PLCXD1: variants seen among roughly 807,000 people sequenced by gnomAD.
The protein encoded by PLCXD1 is phosphatidylinositol specific phospholipase C X domain containing 1.
PLCXD1 carries 45 observed loss-of-function variants against 37.8 expected under a neutral mutation model. The ratio of observed to expected loss-of-function variants is 1.19; its 90% CI spans 0.94 to 1.53. The LOEUF is 1.53. PLCXD1 is among the 40% of genes most tolerant of loss of function. The pLI is 0.00. For missense variants in PLCXD1, 539 were observed against 454.7 expected (o/e 1.19, Z -1.69); for synonymous variants, 246 against 206.9 (o/e 1.19, Z -1.62).
upstream of PLCXD1, among the ~76,000 whole-genome samples, chrX:280,332 G>A (rs765634310): frequency 0.034 from 2,948 of 86,122 alleles, 72 homozygotes; most frequent in Non-Finnish European, 0.037. Context: ...CCGTGCAGGG[G>A]GAGGGGAGGC....
chrX:287,702 A>T (rs1279471669), intron 2 of PLCXD1, among the ~76,000 whole-genome samples: 3 of 145,254 alleles, frequency 2.1e-5, no homozygotes, highest in African/African-American at 5.0e-5. Flanking sequence ...TATAGATACT[A>T]TATATGTTTA....
At position 299,099 on chromosome X, in the gene PLCXD1, G is replaced by T; in HGVS notation, c.736G>T (p.Gly246Trp). The change falls in exon 7 of 7, where the codon GGG becomes TGG. Residue 246 changes from glycine (G) to tryptophan (W), a missense_variant and splice_region_variant. By Grantham distance (184) the Gly-to-Trp change is radical. Coordinates refer to ENST00000381657, the MANE Select transcript of PLCXD1 (RefSeq NM_018390.4). ...ETMKSCGRPG[G>W]LFVAGINLTE... is the part of the protein sequence containing the mutation. ...TCTCCCCACCCTCACCGTTGCAGGA[G>T]GGTTGTTCGTGGCCGGCATCAACCT... The T allele has an allele frequency of 6.2e-7, 1 of 1,612,364 alleles. No homozygotes were observed. The highest frequency in any genetic ancestry group is 8.5e-7 in the Non-Finnish European group (1 of 1,178,396).
chrX:281,270 T>G (rs1226106844), upstream of PLCXD1: 1 of 177,392 alleles, frequency 5.6e-6, no homozygotes, highest in Non-Finnish European at 1.2e-5. Flanking sequence ...TGGTTGCTTC[T>G]CTTGGAGAAA....
At chrX:285,558 T>TAC (rs55930946) in intron 2 of PLCXD1, among the ~76,000 whole-genome samples, 112,116 of 151,826 alleles carry the variant, frequency 0.74, 41,631 homozygotes, top group African/African-American at 0.8. Flanking sequence ...CATACACATG[T>TAC]ACACATTTGC....
chrX:296,166 G>T (rs1316763641), intron 6 of PLCXD1, among the ~76,000 whole-genome samples: 1 of 151,556 alleles, frequency 6.6e-6, no homozygotes, highest in Non-Finnish European at 1.5e-5. Flanking sequence ...TGTCACCCAG[G>T]CTGGAGTGCA....
At chrX:289,507 T>TTCC in intron 3 of PLCXD1, among the ~76,000 whole-genome samples, 1 of 85,090 alleles carries the variant, frequency 1.2e-5, no homozygotes. Context: ...TTTCTTTTTC[T>TTCC]TTCTTTTTCT....
At position 291,485 on chromosome X, in the gene PLCXD1, AC is replaced by A; in HGVS notation, c.394-8del. On this transcript the variant is annotated splice_polypyrimidine_tract_variant and intron_variant, in intron 4 of 6. Transcript: ENST00000381657. Reference sequence around the variant, plus strand: ...GGAGTCGTGCAGGACTCAGCCCAGCACCCCCCTCCCCAGGACACACTCACGG... The same window carrying A: ...GGAGTCGTGCAGGACTCAGCCCAGCACCCCCTCCCCAGGACACACTCACGG... 1 of 1,610,424 alleles carries A rather than the reference AC, an allele frequency of 6.2e-7. No individual in the cohort carries two copies. Among genetic ancestry groups the A allele is most frequent in the Non-Finnish European group, 8.5e-7 (1 of 1,179,462 alleles).
At position 293,356 on chromosome X, in the gene PLCXD1, C is replaced by A. The variant is rs936114617; in HGVS notation, c.733+138C>A. 1.2e-5 allele frequency: 8 copies of A among 685,528 alleles called. No homozygotes were observed. The African/African-American group carries it at 1.3e-4, about 11-fold the overall frequency. The allele number at this position is 685,528 out of a possible 1,614,324, so 42.5% of individuals were successfully genotyped here. On this transcript the variant is annotated intron_variant, in intron 6 of 6. Transcript: ENST00000381657. ...GAATCCATGAGCTGGGCGTGGTAATCCCTGTACCTGTAATCCCAGCACTTC... is the reference window on the plus strand; with the variant it reads ...GAATCCATGAGCTGGGCGTGGTAATACCTGTACCTGTAATCCCAGCACTTC...
At chrX:286,525 C>G (rs1253621396) in intron 2 of PLCXD1, among the ~76,000 whole-genome samples, 3 of 152,036 alleles carry the variant, frequency 2.0e-5, no homozygotes, top group Admixed American at 2.0e-4. Context: ...TCGGCAGACT[C>G]ACATCTTAAG....
chrX:281,271 CT>C (rs2069269858), upstream of PLCXD1: 1 of 177,438 alleles, frequency 5.6e-6, no homozygotes, highest in Admixed American at 6.3e-5. Context: ...GGTTGCTTCT[CT>C]TGGAGAAAGA....
chrX:299,306 G>T lies in PLCXD1; in HGVS notation c.943G>T (p.Ala315Ser). The change falls in exon 7 of 7, where the codon GCG (alanine) becomes TCG (serine). Residue 315 changes from alanine to serine, a missense_variant. Physicochemically the swap from Ala to Ser is moderately conservative, Grantham distance 99 (BLOSUM62 1). Coordinates refer to ENST00000381657, the MANE Select transcript of PLCXD1 (RefSeq NM_018390.4). Reference sequence around the variant, plus strand: ...AGACGGCTTCGTCAGTGACGTCATCGCGCTCAATCAGAAGCTGCTGTGGTG... The same window carrying T: ...AGACGGCTTCGTCAGTGACGTCATCTCGCTCAATCAGAAGCTGCTGTGGTG... The part of the protein sequence containing the change: ...GADGFVSDVI[A>S]LNQKLLWC 6.2e-7 allele frequency: 1 copy of T among 1,613,740 alleles called. No homozygotes were observed. Among genetic ancestry groups the T allele is most frequent in the South Asian group, 1.1e-5 (1 of 91,076 alleles).
At chrX:294,317 C>T (rs2069733557) in intron 6 of PLCXD1, among the ~76,000 whole-genome samples, 1 of 152,102 alleles carries the variant, frequency 6.6e-6, no homozygotes, top group Non-Finnish European at 1.5e-5. Context: ...CCCGTCTCTA[C>T]TAAAAATACA....
At position 299,703 on chromosome X, in the gene PLCXD1, G is replaced by A; in HGVS notation, c.*368G>A. ...AGCCGGGAGATGGAGGTTGCATTGA[G>A]CTGACATCGTGCCACTGCACTCCAG... is the stretch of plus-strand genomic sequence containing the variant. On this transcript the variant is annotated 3_prime_UTR_variant, in exon 7 of 7. Coordinates refer to ENST00000381657, the MANE Select transcript of PLCXD1 (RefSeq NM_018390.4). The A allele has an allele frequency of 2.8e-6, 1 of 353,500 alleles. No individual in the cohort carries two copies. Among genetic ancestry groups the A allele is most frequent in the Admixed American group, 4.4e-5 (1 of 22,478 alleles). 21.9% of individuals were successfully genotyped at this position (353,500 alleles called of 1,614,324 possible).
chrX:289,661 G>A (rs1271281894), intron 3 of PLCXD1, among the ~76,000 whole-genome samples: 4 of 151,232 alleles, frequency 2.6e-5, no homozygotes, highest in Admixed American at 6.6e-5. Context: ...ACAGGCTCCC[G>A]CGACCACGCC....
At chrX:287,243 TATAA>T (rs199498589) in intron 2 of PLCXD1, among the ~76,000 whole-genome samples, 16,437 of 146,366 alleles carry the variant, frequency 0.11, 1,464 homozygotes, top group African/African-American at 0.25. Context: ...ATATATAATA[TATAA>T]ATAAGTAAAT....
At chrX:276,973 C>A (rs909730429), upstream of PLCXD1, among the ~76,000 whole-genome samples, 9 of 152,136 alleles carry the variant, frequency 5.9e-5, no homozygotes, top group Non-Finnish European at 4.4e-5. Context: ...TGGCGGGTCA[C>A]CGGGCGTCTG....
Position 292,961 on chromosome X carries a change from C to T in PLCXD1, c.550-74C>T. ...TCGTGTTGGGCCGGTGTCCCGACTT[C>T]CCAGCCCTCCGCTCTCCCAGGTGCC... On this transcript the variant is annotated intron_variant, in intron 5 of 6. Coordinates refer to ENST00000381657, the MANE Select transcript of PLCXD1 (RefSeq NM_018390.4). The T allele has an allele frequency of 4.7e-6, 5 of 1,071,200 alleles. No individual in the cohort carries two copies. In the East Asian group the frequency reaches 1.2e-4, roughly 26 times the overall value. 66.4% of individuals were successfully genotyped at this position (1,071,200 alleles called of 1,614,324 possible). A position where few individuals can be genotyped will look rare whatever the true frequency, so the allele number is the denominator to read the frequency against.
chrX:282,899 C>T (rs1397856145), intron 1 of PLCXD1, among the ~76,000 whole-genome samples: 2 of 142,436 alleles, frequency 1.4e-5, no homozygotes, highest in Non-Finnish European at 3.0e-5. Flanking sequence ...TTATATATGT[C>T]TATATTATAT....
chrX:281,191 G>C (rs1320516768), upstream of PLCXD1: 1 of 252,478 alleles, frequency 4.0e-6, no homozygotes, highest in Non-Finnish European at 7.8e-6. Context: ...AGCCGTCCTG[G>C]GCCTTTTCCA....
Sources: gnomAD v4.1 joint callset for allele counts (sites outside exome capture counted in the v4.1 genomes callset) on GRCh38, gnomAD v4.1.1 for gene constraint, MANE v1.5 for transcripts, NCBI Gene and HGNC (gene_info 2026-07-23, HGNC 2026-07-21) for gene names.